Variants in MSANTD2 observed in about 807,000 individuals in gnomAD.
MSANTD2 encodes Myb/SANT DNA binding domain containing 2.
Under a neutral mutation model 52.6 loss-of-function variants are expected in MSANTD2, and 19 were observed. The observed-to-expected ratio is 0.36, with a 90% CI of 0.25 to 0.53. MSANTD2 has a LOEUF of 0.53. Among genes scored for constraint, MSANTD2 ranks in the 20% least tolerant of loss-of-function variants. The pLI is 0.91. For synonymous variants in MSANTD2, 291 were observed against 289.7 expected (o/e 1.00, Z -0.04); for missense variants, 558 against 716.3 (o/e 0.78, Z 2.52).
chr11:124,770,449 C>T (rs964914222), intron 3 of MSANTD2, among the ~76,000 whole-genome samples: 2 of 151,928 alleles, frequency 1.3e-5, no homozygotes, highest in East Asian at 1.9e-4. Flanking sequence ...AGGCATATGC[C>T]ACTATACCCA....
chr11:124,780,669 T>C (rs1944927429), intron 1 of MSANTD2, among the ~76,000 whole-genome samples: 1 of 152,198 alleles, frequency 6.6e-6, no homozygotes, highest in Non-Finnish European at 1.5e-5. Context: ...TATGTAGTTC[T>C]TTCCTCCATA....
At chr11:124,798,078 G>A (rs1246408576) in intron 1 of MSANTD2, among the ~76,000 whole-genome samples, 2 of 151,932 alleles carry the variant, frequency 1.3e-5, no homozygotes, top group African/African-American at 2.4e-5. Context: ...ATGGATAGAC[G>A]CTAGCCAAGA....
intron 1 of MSANTD2, among the ~76,000 whole-genome samples, chr11:124,783,325 T>C (rs1292620003): frequency 1.3e-5 from 2 of 152,150 alleles, no homozygotes; most frequent in Admixed American, 6.6e-5. Flanking sequence ...CTAGAATATA[T>C]ATTAATAATT....
chr11:124,798,510 G>C (rs1347269453), intron 1 of MSANTD2, among the ~76,000 whole-genome samples: 1 of 152,156 alleles, frequency 6.6e-6, no homozygotes, highest in African/African-American at 2.4e-5. Context: ...AAGTCCCAAA[G>C]ATAAATGTTA....
chr11:124,781,365 T>G (rs984644444), intron 1 of MSANTD2, among the ~76,000 whole-genome samples: 6 of 152,064 alleles, frequency 3.9e-5, no homozygotes, highest in African/African-American at 1.5e-4. Context: ...CTTGATCACT[T>G]ATTGTCTGAT....
chr11:124,782,714 A>C (rs1040906940), intron 1 of MSANTD2, among the ~76,000 whole-genome samples: 21 of 152,224 alleles, frequency 1.4e-4, no homozygotes, highest in African/African-American at 4.3e-4. Context: ...CCCCAAGCCT[A>C]GAACAGTGCT....
chr11:124,767,688 T>TGTGCAGCTCCAA lies in MSANTD2; in HGVS notation c.1156_1167dup (p.Leu386_His389dup). On this transcript the variant is annotated inframe_insertion, in exon 4 of 4. Transcript: ENST00000374979. This position sits in a 1 kb window ranked among gnomAD's most constrained non-coding sequence, Gnocchi z 6.5. ...GCAATGGGTATCCAGTCAATTTCCA[T>TGTGCAGCTCCAA]GTGCAGCTCCAAGCACCTAGCTTCG... 6.2e-7 allele frequency: 1 copy of TGTGCAGCTCCAA among 1,614,258 alleles called. No homozygotes were observed. Among genetic ancestry groups the TGTGCAGCTCCAA allele is most frequent in the Non-Finnish European group, 8.5e-7 (1 of 1,180,042 alleles).
intron 1 of MSANTD2, among the ~76,000 whole-genome samples, chr11:124,798,234 T>TAAAAAAAAAAAAAAAAAAAA (rs10601418): frequency 1.0e-4 from 11 of 110,500 alleles, no homozygotes; most frequent in African/African-American, 4.4e-4. Flanking sequence ...CCCTGTCTCT[T>TAAAAAAAAAAAAAAAAAAAA]AAAAAAAAAA....
At position 124,800,376 on chromosome 11, in the gene MSANTD2, G is replaced by A; in HGVS notation, c.5C>T (p.Ala2Val). The change falls in exon 1 of 4, where the codon GCT (alanine) becomes GTT (valine). Residue 2 changes from alanine to valine, a missense_variant. Ala to Val is a moderately conservative substitution (Grantham distance 64, BLOSUM62 0). Transcript: ENST00000374979. The surrounding 1 kb of genome is among the most constrained non-coding windows in gnomAD (Gnocchi z 4.3). ...GGGCAGCTCCGAGCCACAGGGCGCA[G>A]CCATCTTCCAAGCGGCCGCCGCTGC... Reference protein sequence around the residue: MAAPCGSELPAN... With the variant: MVAPCGSELPAN... 6.6e-7 allele frequency: 1 copy of A among 1,517,036 alleles called. No homozygotes were observed. Among genetic ancestry groups the A allele is most frequent in the Non-Finnish European group, 8.8e-7 (1 of 1,132,484 alleles). 94.0% of individuals were successfully genotyped at this position (1,517,036 alleles called of 1,614,324 possible). A position where few individuals can be genotyped will look rare whatever the true frequency, so the allele number is the denominator to read the frequency against.
At chr11:124,777,901 A>C (rs528706662) in intron 1 of MSANTD2, among the ~76,000 whole-genome samples, 2 of 124,798 alleles carry the variant, frequency 1.6e-5, no homozygotes, top group Admixed American at 1.4e-4. Flanking sequence ...ACATCAACTA[A>C]GAAAAAAAAA....
chr11:124,793,001 C>A (rs1591475944), intron 1 of MSANTD2, among the ~76,000 whole-genome samples: 1 of 152,086 alleles, frequency 6.6e-6, no homozygotes, highest in East Asian at 1.9e-4. Flanking sequence ...CTACATCAGC[C>A]AAGAAAGATA....
Position 124,772,673 on chromosome 11 carries a change from CTTGCAGTGAGCAGAGA to C in MSANTD2, c.827+305_827+320del, listed in dbSNP as rs766013871. On this transcript the variant is annotated intron_variant, in intron 3 of 3. Transcript: ENST00000374979. ...AATGGCGTGAACCTGGGAGGCAGAGCTTGCAGTGAGCAGAGATTGCACCACTGCACACCAGCCTGGG... is the reference window on the plus strand; with the variant it reads ...AATGGCGTGAACCTGGGAGGCAGAGCTTGCACCACTGCACACCAGCCTGGG... 2.4e-3 allele frequency among the ~76,000 whole-genome samples: 332 copies of C among 139,046 alleles called. 2 individuals carry two copies. Among genetic ancestry groups the C allele is most frequent in the Admixed American group, 6.2e-3 (76 of 12,278 alleles). The allele number at this position is 139,046 out of a possible 152,430, so 91.2% of individuals were successfully genotyped here. A position where few individuals can be genotyped will look rare whatever the true frequency, so the allele number is the denominator to read the frequency against.
At chr11:124,773,719 T>C (rs1028148408) in intron 2 of MSANTD2, among the ~76,000 whole-genome samples, 1 of 152,242 alleles carries the variant, frequency 6.6e-6, no homozygotes, top group East Asian at 1.9e-4. Context: ...TTTAGTCCTT[T>C]TTCTTTGGAA....
At chr11:124,790,780 T>C (rs1352744745) in intron 1 of MSANTD2, 2 of 160,310 alleles carry the variant, frequency 1.2e-5, no homozygotes, top group Non-Finnish European at 2.7e-5. Flanking sequence ...TCCAGTCTCA[T>C]TTCTTACTAC....
chr11:124,790,393 A>T (rs1565465992), intron 1 of MSANTD2: 1 of 152,214 alleles, frequency 6.6e-6, no homozygotes, highest in Non-Finnish European at 1.5e-5. Context: ...ATGGTCTTTG[A>T]CTGCAGTCAA....
chr11:124,770,312 TTG>T, intron 3 of MSANTD2, among the ~76,000 whole-genome samples: 1 of 126,848 alleles, frequency 7.9e-6, no homozygotes, highest in African/African-American at 4.7e-5. Context: ...TTTTGTTTGT[TTG>T]TTTTTTTTTT....
intron 3 of MSANTD2, among the ~76,000 whole-genome samples, chr11:124,770,591 G>A (rs1410290846): frequency 1.3e-5 from 2 of 151,840 alleles, no homozygotes; most frequent in African/African-American, 2.4e-5. Flanking sequence ...GAGCCACCGC[G>A]CTTTGCCTTG....
intron 1 of MSANTD2, among the ~76,000 whole-genome samples, chr11:124,788,068 C>G (rs1341172226): frequency 7.5e-6 from 1 of 133,510 alleles, no homozygotes; most frequent in African/African-American, 2.8e-5. Context: ...GGCAACAGAG[C>G]AAGACCCTGT....
rs1360092561 is a variant in MSANTD2 at position 124,767,099 on chromosome 11, ATGAGGGG to A, written c.*70_*76del. The A allele has an allele frequency of 2.1e-6, 3 of 1,417,900 alleles. No individual in the cohort carries two copies. The African/African-American group carries it at 4.3e-5, about 20-fold the overall frequency. 87.8% of individuals were successfully genotyped at this position (1,417,900 alleles called of 1,614,324 possible). On this transcript the variant is annotated 3_prime_UTR_variant, in exon 4 of 4. Coordinates refer to ENST00000374979, the MANE Select transcript of MSANTD2 (RefSeq NM_001308027.2). This position sits in a 1 kb window ranked among gnomAD's most constrained non-coding sequence, Gnocchi z 6.5. Reference sequence around the variant, plus strand: ...TGAAGAGTCTGACGGCGGCATCTGGATGAGGGGTGGTCCGGGTAATGGGAAGTGAGTA... The same window carrying A: ...TGAAGAGTCTGACGGCGGCATCTGGATGGTCCGGGTAATGGGAAGTGAGTA...
Sources: gnomAD v4.1 joint callset for allele counts (sites outside exome capture counted in the v4.1 genomes callset) on GRCh38, gnomAD v4.1.1 for gene constraint, Gnocchi (gnomAD v3.1) non-coding constraint, MANE v1.5 for transcripts, NCBI Gene and HGNC (gene_info 2026-07-23, HGNC 2026-07-21) for gene names.